ABLIM1: variants seen among roughly 807,000 people sequenced by gnomAD.
The protein encoded by ABLIM1 is actin-binding LIM protein 1.
ABLIM1 carries 40 observed loss-of-function variants against 107.0 expected under a neutral mutation model. The observed-to-expected ratio is 0.37, with a 90% confidence interval of 0.29 to 0.49. The LOEUF (loss-of-function observed/expected upper bound fraction) is 0.49, where lower values mean the gene tolerates loss of function less well. Among genes scored for constraint, ABLIM1 ranks in the 20% least tolerant of loss-of-function variants. The pLI, the probability that ABLIM1 is intolerant of heterozygous loss-of-function variation, is 0.97. For missense variants in ABLIM1, 857 were observed against 1,008.5 expected, an observed-to-expected ratio of 0.85 and a Z score of 2.04; for synonymous variants, 357 against 357.3, an observed-to-expected ratio of 1.00 and a Z score of 0.01.
At chr10:114,505,726 C>T (rs533260455) in intron 6 of ABLIM1, among the ~76,000 whole-genome samples, 31 of 152,308 alleles carry the variant, frequency 2.0e-4, no homozygotes, top group South Asian at 1.7e-3. Flanking sequence ...AACTGCTTTT[C>T]GTCACCATAT....
intron 12 of ABLIM1, among the ~76,000 whole-genome samples, chr10:114,454,010 A>G (rs995316965): frequency 6.6e-6 from 1 of 152,300 alleles, no homozygotes; most frequent in Non-Finnish European, 1.5e-5. Context: ...AGTGCCTTCA[A>G]TTGCAGCGTG....
At chr10:114,792,035 T>A in the ABLIM1 span, among the ~76,000 whole-genome samples, 65 of 152,208 alleles carry the variant, frequency 4.3e-4, no homozygotes, top group Admixed American at 2.0e-4. Flanking sequence ...AGGTTAAGAA[T>A]CTTGGCTGGG....
At chr10:114,466,303 C>T (rs1473629081) in intron 11 of ABLIM1, among the ~76,000 whole-genome samples, 1 of 151,922 alleles carries the variant, frequency 6.6e-6, no homozygotes, top group African/African-American at 2.4e-5. Context: ...GAGTGAGACA[C>T]TGTTTCTTTA....
At chr10:114,535,295 A>G (rs971196375) in intron 6 of ABLIM1, among the ~76,000 whole-genome samples, 7 of 152,188 alleles carry the variant, frequency 4.6e-5, no homozygotes, top group Non-Finnish European at 8.8e-5. Context: ...ACAGAGGGAA[A>G]GAGCCTAGAA....
intron 2 of ABLIM1, among the ~76,000 whole-genome samples, chr10:114,578,510 G>A (rs777698579): frequency 6.6e-6 from 1 of 151,110 alleles, no homozygotes; most frequent in Non-Finnish European, 1.5e-5. Context: ...CAGTTCAAGC[G>A]ATTCTCCTGC....
chr10:114,605,410 G>C (rs935275095), intron 1 of ABLIM1, among the ~76,000 whole-genome samples: 3 of 152,198 alleles, frequency 2.0e-5, no homozygotes, highest in African/African-American at 7.2e-5. Flanking sequence ...AAATTTACTT[G>C]ACTGTTCCAT....
intron 1 of ABLIM1, among the ~76,000 whole-genome samples, chr10:114,759,592 C>A (rs933481083): frequency 1.3e-5 from 2 of 152,206 alleles, no homozygotes; most frequent in Non-Finnish European, 2.9e-5. Context: ...AGCACACCAA[C>A]TTGCCATTTG....
rs2078248051 is a variant in ABLIM1 at position 114,632,389 on chromosome 10, A to G, written c.244+25568T>C. The G allele has an allele frequency of 1.2e-5, 12 of 985,388 alleles. No individual in the cohort carries two copies. In the South Asian group the frequency reaches 5.6e-4, roughly 46 times the overall value. 61.0% of individuals were successfully genotyped at this position (985,388 alleles called of 1,614,324 possible). On this transcript the variant is annotated intron_variant, in intron 1 of 22. Coordinates refer to ENST00000533213, the MANE Select transcript of ABLIM1 (RefSeq NM_002313.7). ...CAGCTAGAGACGGTTCCAATAAGTA[A>G]AACTAGTCAATGGTTAGCTTATTGG...
chr10:114,485,447 T>TA (rs2058055326), intron 8 of ABLIM1: 1 of 1,389,326 alleles, frequency 7.2e-7, no homozygotes, highest in South Asian at 1.3e-5. Flanking sequence ...AGAATTATTT[T>TA]AAAAAATAAA....
In ABLIM1 at chr10:114,576,623, T is replaced by C. The variant is rs570315163; in HGVS notation, c.380-1024A>G. ...TGAGTTCCCATGACTCCTTAATTCATCTAGATGAACTAGGGCTTCAGTAAG... is the reference window on the plus strand; with the variant it reads ...TGAGTTCCCATGACTCCTTAATTCACCTAGATGAACTAGGGCTTCAGTAAG... On this transcript the variant is annotated intron_variant, in intron 2 of 22. Coordinates refer to ENST00000533213, the MANE Select transcript of ABLIM1 (RefSeq NM_002313.7). Among the ~76,000 whole-genome samples the C allele has an allele frequency of 3.9e-5, 6 of 152,200 alleles. No individual in the cohort carries two copies. In the East Asian group the frequency reaches 9.7e-4, roughly 25 times the overall value.
chr10:114,459,015 T>A (rs1182423267), intron 12 of ABLIM1, among the ~76,000 whole-genome samples: 2 of 152,138 alleles, frequency 1.3e-5, no homozygotes, highest in African/African-American at 4.8e-5. Flanking sequence ...GGGAAGCCAG[T>A]GAAGGAGAGA....
rs2059094532 is a variant in ABLIM1, at chr10:114,433,784, C to G, written c.*2476G>C. 6.6e-6 allele frequency: 1 copy of G among 152,192 alleles called. No homozygotes were observed. The highest frequency in any genetic ancestry group is 1.5e-5 in the Non-Finnish European group (1 of 68,028). 9.4% of individuals were successfully genotyped at this position (152,192 alleles called of 1,614,324 possible). ...CCATTCTATGACAGACCCATGTCTTCTTTATGTAGACCAAGGAAGAGGAAT... is the reference window on the plus strand; with the variant it reads ...CCATTCTATGACAGACCCATGTCTTGTTTATGTAGACCAAGGAAGAGGAAT... On this transcript the variant is annotated 3_prime_UTR_variant, in exon 23 of 23. Coordinates refer to ENST00000533213, the MANE Select transcript of ABLIM1 (RefSeq NM_002313.7).
At chr10:114,547,489 A>C in intron 5 of ABLIM1, 161 bp downstream of exon 5, 1 of 890,494 alleles carries the variant, frequency 1.1e-6, no homozygotes, top group Non-Finnish European at 1.7e-6. Flanking sequence ...AAAAGAATAC[A>C]ATTCTTTTCA....
chr10:114,744,039 T>C (rs932087311), intron 1 of ABLIM1, among the ~76,000 whole-genome samples: 1 of 152,184 alleles, frequency 6.6e-6, no homozygotes, highest in Non-Finnish European at 1.5e-5. Flanking sequence ...GTTGGCCTCT[T>C]GGGAGACCAT....
At chr10:114,669,463 A>G (rs957624289) in intron 1 of ABLIM1, among the ~76,000 whole-genome samples, 2 of 152,222 alleles carry the variant, frequency 1.3e-5, no homozygotes, top group African/African-American at 4.8e-5. Context: ...ATTCCAGGGA[A>G]TATTACCCCT....
chr10:114,572,352 A>G (rs566467702), intron 3 of ABLIM1, among the ~76,000 whole-genome samples: 2 of 152,358 alleles, frequency 1.3e-5, no homozygotes, highest in Admixed American at 6.5e-5. Context: ...TTACTTCCAC[A>G]GCTGCTACAT....
chr10:114,580,965 A>G (rs1488096342), intron 2 of ABLIM1, among the ~76,000 whole-genome samples: 1 of 152,180 alleles, frequency 6.6e-6, no homozygotes, highest in East Asian at 1.9e-4. Flanking sequence ...CTTCTGATCA[A>G]TTATTTAAAA....
Position 114,629,930 on chromosome 10 carries a change from T to C in ABLIM1, c.245-27969A>G, listed in dbSNP as rs1376577955. ...GGTCAGTGCAATCAGAAAGCAGTGG[T>C]GTGGACTGGCACAGACCTCAAAATA... is the stretch of plus-strand genomic sequence containing the variant. On this transcript the variant is annotated intron_variant, in intron 1 of 22. Transcript: ENST00000533213. The surrounding 1 kb of genome is among the most constrained non-coding windows in gnomAD (Gnocchi z 4.0). Among the ~76,000 whole-genome samples the C allele has an allele frequency of 6.6e-6, 1 of 152,152 alleles. No homozygotes were observed. The highest frequency in any genetic ancestry group is 1.5e-5 in the Non-Finnish European group (1 of 68,028).
intron 2 of ABLIM1, among the ~76,000 whole-genome samples, chr10:114,591,579 AATAC>A (rs1200188320): frequency 2.0e-5 from 3 of 152,204 alleles, no homozygotes; most frequent in Non-Finnish European, 4.4e-5. Flanking sequence ...TTAAAGAGAG[AATAC>A]TTTCTCACTG....
Sources: allele counts gnomAD v4.1 joint callset (sites outside exome capture counted in the v4.1 genomes callset), GRCh38; gene constraint gnomAD v4.1.1; non-coding constraint Gnocchi (gnomAD v3.1); transcripts MANE v1.5; gene names NCBI Gene and HGNC (gene_info 2026-07-23, HGNC 2026-07-21).